SYNDIG1: variants seen among roughly 807,000 people sequenced by gnomAD.
The protein encoded by SYNDIG1 is synapse differentiation-inducing gene protein 1.
SYNDIG1 carries 9 observed loss-of-function variants against 19.4 expected under a neutral mutation model. That is an observed-to-expected ratio of 0.46 (90% confidence interval 0.28 to 0.81). The LOEUF (loss-of-function observed/expected upper bound fraction) is 0.81, where lower values mean the gene tolerates loss of function less well. SYNDIG1 is among the 30% of genes least tolerant of loss of function. The pLI is 0.12. For synonymous variants in SYNDIG1, 141 were observed against 145.9 expected (o/e 0.97, Z 0.24); for missense variants, 311 against 343.3 (o/e 0.91, Z 0.74).
chr20:24,583,744 G>A (rs1864892955), intron 2 of SYNDIG1, among the ~76,000 whole-genome samples: 1 of 152,124 alleles, frequency 6.6e-6, no homozygotes, highest in African/African-American at 2.4e-5. Context: ...GGTCAGCATT[G>A]GAATCATCTG....
At chr20:24,514,370 C>T (rs1049647939) in intron 1 of SYNDIG1, among the ~76,000 whole-genome samples, 1 of 152,122 alleles carries the variant, frequency 6.6e-6, no homozygotes, top group South Asian at 2.1e-4. Flanking sequence ...GTGCTGTATT[C>T]AGGAGACCCA....
chr20:24,528,524 T>C (rs1306708044), intron 1 of SYNDIG1, among the ~76,000 whole-genome samples: 2 of 152,192 alleles, frequency 1.3e-5, no homozygotes, highest in African/African-American at 4.8e-5. Context: ...CACTCTCTTC[T>C]TCTAAGATAG....
intron 1 of SYNDIG1, among the ~76,000 whole-genome samples, chr20:24,503,537 A>G (rs1189563945): frequency 2.6e-5 from 4 of 152,186 alleles, no homozygotes. Context: ...TACGGGATGC[A>G]GAGTTCTCAT....
At chr20:24,512,842 T>G (rs995384534) in intron 1 of SYNDIG1, among the ~76,000 whole-genome samples, 1 of 152,228 alleles carries the variant, frequency 6.6e-6, no homozygotes, top group Admixed American at 6.5e-5. Context: ...AGTGGGCCCC[T>G]GACCCCCGAG....
At chr20:24,495,913 C>T (rs928804317) in intron 1 of SYNDIG1, 2 of 152,218 alleles carry the variant, frequency 1.3e-5, no homozygotes, top group Non-Finnish European at 2.9e-5. Context: ...GTCACGATCT[C>T]GGCTCACTGC....
In SYNDIG1 at chr20:24,665,364, A is replaced by C. The variant is rs373829152; in HGVS notation, c.637A>C (p.Lys213Gln). ...LSHETNKAVA[K>Q]GDLHQASTSS... is the part of the protein sequence containing the mutation. Reference sequence around the variant, plus strand: ...TCTGCAGACCAACAAAGCCGTGGCCAAGGGGGACTTGCACCAGGCCAGCAC... The same window carrying C: ...TCTGCAGACCAACAAAGCCGTGGCCCAGGGGGACTTGCACCAGGCCAGCAC... The change falls in exon 4 of 4, where the codon AAG (lysine) becomes CAG (glutamine). Residue 213 changes from lysine to glutamine, a missense_variant. By Grantham distance (53) the Lys-to-Gln change is moderately conservative. Transcript: ENST00000376862. The C allele has an allele frequency of 4.4e-5, 71 of 1,602,100 alleles. No individual in the cohort carries two copies. The highest frequency in any genetic ancestry group is 5.7e-5 in the Non-Finnish European group (67 of 1,176,338).
At chr20:24,516,528 A>G (rs2056868216) in intron 1 of SYNDIG1, among the ~76,000 whole-genome samples, 1 of 152,266 alleles carries the variant, frequency 6.6e-6, no homozygotes, top group South Asian at 2.1e-4. Context: ...GACACTTGTC[A>G]AAAGAAGACA....
At chr20:24,484,162 C>G (rs906988159) in intron 1 of SYNDIG1, among the ~76,000 whole-genome samples, 6 of 151,972 alleles carry the variant, frequency 3.9e-5, no homozygotes, top group African/African-American at 1.5e-4. Context: ...CAGATTGCCC[C>G]AAAATGTATA....
chr20:24,556,089 T>C (rs1482661118), intron 2 of SYNDIG1, among the ~76,000 whole-genome samples: 1 of 152,138 alleles, frequency 6.6e-6, no homozygotes, highest in East Asian at 1.9e-4. Flanking sequence ...TGATCTTTGT[T>C]GGTTTAAAGT....
intron 3 of SYNDIG1, among the ~76,000 whole-genome samples, chr20:24,602,477 T>G (rs762029326): frequency 2.0e-5 from 3 of 152,204 alleles, no homozygotes; most frequent in Admixed American, 1.3e-4. Context: ...TCTTTGGTGC[T>G]TCATCCTATG....
chr20:24,504,514 C>A (rs1249144230), intron 1 of SYNDIG1, among the ~76,000 whole-genome samples: 2 of 152,190 alleles, frequency 1.3e-5, no homozygotes, highest in African/African-American at 4.8e-5. Context: ...GGATGCCACC[C>A]TCACCCTGGC....
Position 24,482,613 on chromosome 20 carries a change from G to C in SYNDIG1, c.-79+12860G>C, listed in dbSNP as rs144225233. On this transcript the variant is annotated intron_variant, in intron 1 of 3. Transcript: ENST00000376862. ...AAAACATTTCTAAGATACACGCAGA[G>C]TATGTGTATCTTGCTTCCAGTAATG... 1.1e-3 allele frequency among the ~76,000 whole-genome samples: 166 copies of C among 152,274 alleles called. 2 individuals carry two copies. Among genetic ancestry groups the C allele is most frequent in the African/African-American group, 3.8e-3 (156 of 41,546 alleles).
At chr20:24,540,428 T>C (rs763537020) in intron 1 of SYNDIG1, among the ~76,000 whole-genome samples, 4 of 152,208 alleles carry the variant, frequency 2.6e-5, no homozygotes, top group Non-Finnish European at 5.9e-5. Flanking sequence ...TCAATAAAAG[T>C]GGGAAAAGTG....
At chr20:24,554,777 T>C (rs1391473298) in intron 2 of SYNDIG1, among the ~76,000 whole-genome samples, 1 of 151,346 alleles carries the variant, frequency 6.6e-6, no homozygotes, top group Non-Finnish European at 1.5e-5. Flanking sequence ...TTTTTGGTTG[T>C]GTCTCTGCCC....
At chr20:24,545,287 C>T (rs1312188542) in intron 2 of SYNDIG1, among the ~76,000 whole-genome samples, 1 of 152,166 alleles carries the variant, frequency 6.6e-6, no homozygotes, top group African/African-American at 2.4e-5. Flanking sequence ...TGCGCAGGCC[C>T]CAATGCCCTC....
At chr20:24,499,142 A>C (rs780849136) in intron 1 of SYNDIG1, among the ~76,000 whole-genome samples, 1 of 152,156 alleles carries the variant, frequency 6.6e-6, no homozygotes, top group Non-Finnish European at 1.5e-5. Context: ...CTCCTGCCTC[A>C]GCCTCCCGAG....
intron 1 of SYNDIG1, among the ~76,000 whole-genome samples, chr20:24,509,554 C>T (rs1456360043): frequency 2.0e-5 from 3 of 152,120 alleles, no homozygotes; most frequent in Non-Finnish European, 4.4e-5. Context: ...AAATATCACT[C>T]GTGTTCTTTA....
intron 1 of SYNDIG1, among the ~76,000 whole-genome samples, chr20:24,531,371 G>A (rs1257457565): frequency 1.3e-5 from 2 of 152,124 alleles, no homozygotes; most frequent in South Asian, 2.1e-4. Context: ...GAGTAGGTAT[G>A]TTTAAGAAAG....
chr20:24,530,248 A>T (rs929855947), intron 1 of SYNDIG1, among the ~76,000 whole-genome samples: 1 of 152,190 alleles, frequency 6.6e-6, no homozygotes, highest in South Asian at 2.1e-4. Flanking sequence ...CTGACTGCTT[A>T]TAAATCAGAT....
Sources: gnomAD v4.1 joint callset for allele counts (sites outside exome capture counted in the v4.1 genomes callset) on GRCh38, gnomAD v4.1.1 for gene constraint, MANE v1.5 for transcripts, NCBI Gene and HGNC (gene_info 2026-07-23, HGNC 2026-07-21) for gene names.